CLASP1: variants seen among roughly 807,000 people sequenced by gnomAD.
The protein encoded by CLASP1 is cytoplasmic linker associated protein 1, also known as CLIP-associating protein 1.
A neutral mutation model predicts 192.3 loss-of-function variants in CLASP1; 38 were observed. The ratio of observed to expected loss-of-function variants is 0.20; its 90% CI spans 0.15 to 0.26. CLASP1 has a LOEUF of 0.26. Ranked by LOEUF, CLASP1 falls within the 10% of genes least tolerant of loss-of-function variation. The pLI is 1.00. For synonymous variants in CLASP1, 691 were observed against 712.8 expected, an observed-to-expected ratio of 0.97 and a Z score of 0.49; for missense variants, 1,433 against 1,932.5, an observed-to-expected ratio of 0.74 and a Z score of 4.85.
chr2:121,351,681 T>C (rs184743741), intron 37 of CLASP1, among the ~76,000 whole-genome samples: 103 of 152,284 alleles, frequency 6.8e-4, no homozygotes, highest in Non-Finnish European at 1.2e-3. Context: ...GTGAACACAC[T>C]GCAGCCACCT....
intron 3 of CLASP1, among the ~76,000 whole-genome samples, chr2:121,529,137 T>C (rs1392192857): frequency 6.6e-6 from 1 of 152,200 alleles, no homozygotes; most frequent in African/African-American, 2.4e-5. Flanking sequence ...GGCTCCAGTA[T>C]ATGTGTTTGG....
intron 7 of CLASP1, chr2:121,504,085 A>T (rs1403821325): frequency 6.6e-6 from 1 of 152,302 alleles, no homozygotes; most frequent in Admixed American, 6.5e-5. Flanking sequence ...ACAAAAAATT[A>T]GCTGGGTGTG....
At chr2:121,513,263 G>A (rs560251606) in intron 7 of CLASP1, among the ~76,000 whole-genome samples, 1 of 152,130 alleles carries the variant, frequency 6.6e-6, no homozygotes, top group African/African-American at 2.4e-5. Flanking sequence ...CCAAGCACTC[G>A]TGTATGCCAA....
intron 8 of CLASP1, among the ~76,000 whole-genome samples, chr2:121,476,868 A>G (rs1414924908): frequency 6.6e-6 from 1 of 152,240 alleles, no homozygotes; most frequent in African/African-American, 2.4e-5. Flanking sequence ...GCACAGAGAC[A>G]GGATAATGAG....
intron 2 of CLASP1, among the ~76,000 whole-genome samples, chr2:121,531,990 A>C (rs2094904110): frequency 6.6e-6 from 1 of 152,276 alleles, no homozygotes; most frequent in South Asian, 2.1e-4. Flanking sequence ...ACATGCTTCC[A>C]ACACAAAGCC....
chr2:121,389,345 TAAAC>T lies in CLASP1; in HGVS notation c.3124-1443_3124-1440del, dbSNP rs369021776. Among the ~76,000 whole-genome samples the T allele has an allele frequency of 4.8e-4, 73 of 152,308 alleles. 1 individual carries two copies. In the East Asian group the frequency reaches 0.012, roughly 26 times the overall value. On this transcript the variant is annotated intron_variant, in intron 30 of 39. Transcript: ENST00000263710. Reference sequence around the variant, plus strand: ...TCTGCATTTCATTTTGGAAACATTTTAAACAAATTATCTGAAGGAATCTATTTCA... The same window carrying T: ...TCTGCATTTCATTTTGGAAACATTTTAAATTATCTGAAGGAATCTATTTCA...
intron 9 of CLASP1, among the ~76,000 whole-genome samples, chr2:121,467,482 G>T (rs879744209): frequency 6.6e-6 from 1 of 152,076 alleles, no homozygotes; most frequent in African/African-American, 2.4e-5. Context: ...TTGTTTTTCT[G>T]AATTTTTAAT....
At chr2:121,640,272 T>C (rs1236720012) in intron 1 of CLASP1, among the ~76,000 whole-genome samples, 4 of 152,122 alleles carry the variant, frequency 2.6e-5, no homozygotes, top group Admixed American at 2.6e-4. Context: ...CTAATGTAAA[T>C]GACAGGCTGA....
intron 1 of CLASP1, among the ~76,000 whole-genome samples, chr2:121,646,733 C>T (rs1291067371): frequency 2.0e-5 from 3 of 152,090 alleles, no homozygotes; most frequent in African/African-American, 7.2e-5. Context: ...ATAAACAAGA[C>T]GGAAGCAAAA....
rs933229782 is a variant in CLASP1 at position 121,347,295 on chromosome 2, G to T, written c.4414-141C>A. The T allele has an allele frequency of 4.8e-6, 3 of 619,550 alleles. No homozygotes were observed. The Admixed American group carries it at 8.1e-5, about 17-fold the overall frequency. 38.4% of individuals were successfully genotyped at this position (619,550 alleles called of 1,614,324 possible). A position where few individuals can be genotyped will look rare whatever the true frequency, so the allele number is the denominator to read the frequency against. On this transcript the variant is annotated intron_variant, in intron 38 of 39. Transcript: ENST00000263710. Reference sequence around the variant, plus strand: ...AACAACCAGGATAGACCTCAGCCCCGCAATGGAATCCAGACAGCTTTCACC... The same window carrying T: ...AACAACCAGGATAGACCTCAGCCCCTCAATGGAATCCAGACAGCTTTCACC...
At chr2:121,490,955 A>G (rs2093274244) in intron 8 of CLASP1, among the ~76,000 whole-genome samples, 1 of 152,232 alleles carries the variant, frequency 6.6e-6, no homozygotes, top group Non-Finnish European at 1.5e-5. Context: ...CATGGATAAT[A>G]ATGACTTGGC....
chr2:121,527,330 G>A (rs1311369076), intron 5 of CLASP1, among the ~76,000 whole-genome samples: 1 of 152,054 alleles, frequency 6.6e-6, no homozygotes, highest in African/African-American at 2.4e-5. Context: ...CAAATGTCAG[G>A]TGCAAACTCA....
intron 2 of CLASP1, among the ~76,000 whole-genome samples, chr2:121,605,042 G>C (rs1469200220): frequency 1.3e-5 from 2 of 152,150 alleles, no homozygotes; most frequent in African/African-American, 4.8e-5. Context: ...GTCCAATCTA[G>C]TTTTTATTCA....
At chr2:121,637,527 A>G (rs921940204) in intron 1 of CLASP1, among the ~76,000 whole-genome samples, 8 of 152,168 alleles carry the variant, frequency 5.3e-5, no homozygotes, top group Admixed American at 1.3e-4. Flanking sequence ...ATAGGGATAA[A>G]TCTTCATTAC....
chr2:121,499,043 A>G (rs767927956), intron 8 of CLASP1, among the ~76,000 whole-genome samples: 5 of 152,242 alleles, frequency 3.3e-5, no homozygotes, highest in Non-Finnish European at 5.9e-5. Context: ...CAGAAAGTTA[A>G]AGGTACAACC....
intron 2 of CLASP1, 136 bp from the exon 3 acceptor site, chr2:121,530,461 CAA>C (rs1350667588): frequency 3.2e-6 from 2 of 625,076 alleles, no homozygotes; most frequent in Non-Finnish European, 5.8e-6. Context: ...ACTGGAGGAC[CAA>C]AGAGATTAGC....
At chr2:121,445,409 C>A (rs1427001314) in intron 19 of CLASP1, 2 of 1,259,092 alleles carry the variant, frequency 1.6e-6, no homozygotes, top group South Asian at 2.5e-5. Context: ...ATGCCTATCC[C>A]AACTACACGT....
chr2:121,579,408 G>A (rs957687251), intron 2 of CLASP1, among the ~76,000 whole-genome samples: 11 of 152,306 alleles, frequency 7.2e-5, no homozygotes, highest in Non-Finnish European at 1.2e-4. Flanking sequence ...CACAGGTTGT[G>A]CAGCCATCAC....
intron 2 of CLASP1, among the ~76,000 whole-genome samples, chr2:121,561,815 G>A (rs1559618747): frequency 6.6e-6 from 1 of 152,168 alleles, no homozygotes. Flanking sequence ...CAAAGTTAGA[G>A]TTGATACACT....
Sources: gnomAD v4.1 joint callset for allele counts (sites outside exome capture counted in the v4.1 genomes callset) on GRCh38, gnomAD v4.1.1 for gene constraint, MANE v1.5 for transcripts, NCBI Gene and HGNC (gene_info 2026-07-23, HGNC 2026-07-21) for gene names.